The following ITGA3 variants were observed in gnomAD, a reference collection of about 807,000 sequenced individuals.
The protein encoded by ITGA3 is integrin alpha-3.
ITGA3 carries 70 observed loss-of-function variants against 131.1 expected under a neutral mutation model. That is an observed-to-expected ratio of 0.53 (90% CI 0.44 to 0.65). ITGA3 has a LOEUF of 0.65. Ranked by LOEUF, ITGA3 falls within the 30% of genes least tolerant of loss-of-function variation. The probability of loss-of-function intolerance (pLI) is 0.00; values close to 1 mark genes in which losing one functional copy is unlikely to be tolerated. For missense variants in ITGA3, 1,098 were observed against 1,388.6 expected, an observed-to-expected ratio of 0.79 and a Z score of 3.33; for synonymous variants, 537 against 571.6, an observed-to-expected ratio of 0.94 and a Z score of 0.86.
At position 50,056,573 on chromosome 17, in the gene ITGA3, C is replaced by T. The variant is rs1907830896; in HGVS notation, c.134C>T (p.Ala45Val). 6.3e-7 allele frequency: 1 copy of T among 1,583,448 alleles called. No homozygotes were observed. The highest frequency in any genetic ancestry group is 8.6e-7 in the Non-Finnish European group (1 of 1,165,906). ...LDTRFLVVKEAGNPGSLFGYS... is the reference protein window; with the variant it reads ...LDTRFLVVKEVGNPGSLFGYS... ...ACCCGATTCCTGGTAGTGAAGGAGG[C>T]CGGGAACCCGGGCAGCCTCTTCGGC... The change falls in exon 1 of 26, where the codon GCC becomes GTC. Residue 45 changes from alanine (A) to valine (V), a missense_variant. Around this residue, in one of 3 missense-constraint regions of ITGA3, gnomAD observed 356 missense variants for 529.2 expected, o/e 0.67. Transcript: ENST00000320031. The surrounding 1 kb of genome is among the most constrained non-coding windows in gnomAD (Gnocchi z 5.6).
chr17:50,076,798 G>A, intron 14 of ITGA3, 117 bp downstream of exon 14: 1 of 1,180,644 alleles, frequency 8.5e-7, no homozygotes. Context: ...GCTTTAGCGG[G>A]AACAGGTGGG....
At position 50,087,866 on chromosome 17, in the gene ITGA3, G is replaced by T. The variant is rs776522548; in HGVS notation, c.3042G>T (p.Trp1014Cys). 3 of 1,585,396 alleles carry T rather than the reference G, an allele frequency of 1.9e-6. No individual in the cohort carries two copies. In the African/African-American group the frequency reaches 4.0e-5, roughly 21 times the overall value. The change falls in exon 24 of 26, where the codon TGG (tryptophan) becomes TGT (cysteine). Residue 1014 changes from tryptophan (W) to cysteine (C), a missense_variant. Transcript: ENST00000320031. ...LLLGLIILLL[W>C]KCGFFKRART... ...TGGGGCTGATCATCCTCCTGCTGTG[G>T]AAGGTTAGTAGCCCAGCCCACTCCT...
chr17:50,087,185 A>G (rs1463593156), intron 23 of ITGA3: 1 of 152,208 alleles, frequency 6.6e-6, no homozygotes, highest in Admixed American at 6.6e-5. Context: ...GTTTTCTTAT[A>G]TCAAACACAC....
chr17:50,071,054 G>A, intron 5 of ITGA3, 124 bp downstream of exon 5: 1 of 760,870 alleles, frequency 1.3e-6, no homozygotes, highest in Non-Finnish European at 2.3e-6. Flanking sequence ...CACACGGATT[G>A]GCCGGCACCT....
chr17:50,079,585 G>C, intron 21 of ITGA3, 28 bp downstream of exon 21: 1 of 1,499,802 alleles, frequency 6.7e-7, no homozygotes. Flanking sequence ...GGTTGGAGGG[G>C]ATTGCATCCA....
At chr17:50,059,721 TAAAC>T (rs1306044320) in intron 1 of ITGA3, among the ~76,000 whole-genome samples, 1 of 151,998 alleles carries the variant, frequency 6.6e-6, no homozygotes, top group Non-Finnish European at 1.5e-5. Context: ...TGGTCAGAAG[TAAAC>T]AAAGAAGGAA....
intron 21 of ITGA3, among the ~76,000 whole-genome samples, chr17:50,079,759 A>G (rs1909099169): frequency 6.6e-6 from 1 of 152,220 alleles, no homozygotes; most frequent in African/African-American, 2.4e-5. Flanking sequence ...ATTGAAGACA[A>G]GGGACCAAAG....
At chr17:50,065,706 C>G (rs1052284848) in intron 3 of ITGA3, 2 of 134,264 alleles carry the variant, frequency 1.5e-5, no homozygotes, top group Non-Finnish European at 3.2e-5. Flanking sequence ...TCTCTCTTTT[C>G]TTTTCTTTCT....
chr17:50,056,638 C>T lies in ITGA3; in HGVS notation c.199C>T (p.Arg67Cys), dbSNP rs1205175248. ...ALHRQTERQQRYLLLAGAPRE... is the reference protein window; with the variant it reads ...ALHRQTERQQCYLLLAGAPRE... ...CCATCGGCAGACAGAGCGGCAGCAG[C>T]GCTACCTGTAAGTGAAGCTGGAGGG... Residue 67 changes from arginine to cysteine, a missense_variant, in exon 1 of 26, where the codon CGC becomes TGC. Coordinates refer to ENST00000320031, the MANE Select transcript of ITGA3 (RefSeq NM_002204.4). The surrounding 1 kb of genome is among the most constrained non-coding windows in gnomAD (Gnocchi z 5.6). 1 of 1,599,906 alleles carries T rather than the reference C, an allele frequency of 6.3e-7. No individual in the cohort carries two copies. Among genetic ancestry groups the T allele is most frequent in the South Asian group, 1.1e-5 (1 of 88,582 alleles).
At chr17:50,087,577 C>G in intron 23 of ITGA3, 167 bp from the exon 24 acceptor site, 1 of 682,694 alleles carries the variant, frequency 1.5e-6, no homozygotes. Context: ...CAGGAAGGAC[C>G]ACTGGACCTG....
chr17:50,081,825 A>G (rs1012468390), intron 23 of ITGA3, among the ~76,000 whole-genome samples: 3 of 151,730 alleles, frequency 2.0e-5, no homozygotes, highest in African/African-American at 7.3e-5. Context: ...TGATTATCTC[A>G]CCCATTGTCA....
At chr17:50,088,008 C>A in intron 24 of ITGA3, 139 bp downstream of exon 24, 1 of 1,289,316 alleles carries the variant, frequency 7.8e-7, no homozygotes, top group South Asian at 1.5e-5. Context: ...CACCTTCTAC[C>A]ACCAGCTTAC....
rs751211130 is a variant in ITGA3, at chr17:50,071,472, G to T, written c.913G>T (p.Ala305Ser). 6.2e-7 allele frequency: 1 copy of T among 1,612,512 alleles called. No homozygotes were observed. Among genetic ancestry groups the T allele is most frequent in the Admixed American group, 1.7e-5 (1 of 59,998 alleles). ...GGTGCTGGAGGGCTCGCAGGTGGGC[G>T]CCTATTTTGGCAGCGCCATTGCCCT... ...RQVLEGSQVG[A>S]YFGSAIALAD... Residue 305 changes from alanine to serine, a missense_variant, in exon 6 of 26, where the codon GCC becomes TCC. Around this residue, in one of 3 missense-constraint regions of ITGA3, gnomAD observed 356 missense variants for 529.2 expected, o/e 0.67. Coordinates refer to ENST00000320031, the MANE Select transcript of ITGA3 (RefSeq NM_002204.4).
intron 23 of ITGA3, among the ~76,000 whole-genome samples, chr17:50,085,307 T>C (rs1909339079): frequency 6.6e-6 from 1 of 152,172 alleles, no homozygotes; most frequent in East Asian, 1.9e-4. Context: ...TAATATTCCA[T>C]ATTTAAAACT....
rs1294489362 is a variant in ITGA3 at position 50,076,610 on chromosome 17, T to C, written c.1851T>C (p.Pro617=). ...TEVQFQKECG[P]DNKCESNLQM... ...TCCAGTTCCAGAAGGAGTGCGGGCC[T>C]GACAACAAGTGTGAGAGCAACTTGC... Residue 617 remains proline, a synonymous_variant, in exon 14 of 26, where the codon CCT becomes CCC. Transcript: ENST00000320031. 2 of 1,613,444 alleles carry C rather than the reference T, an allele frequency of 1.2e-6. No individual in the cohort carries two copies. The highest frequency in any genetic ancestry group is 1.7e-6 in the Non-Finnish European group (2 of 1,179,936).
chr17:50,064,877 G>A lies in ITGA3; in HGVS notation c.414+270G>A, dbSNP rs1598181911. ...TGCCTACACTGGGTGCTCAGCCTTC[G>A]TGGGAACAAGCCGAGGGAGCCGAGG... is the stretch of plus-strand genomic sequence containing the variant. On this transcript the variant is annotated intron_variant, in intron 3 of 25. Coordinates refer to ENST00000320031, the MANE Select transcript of ITGA3 (RefSeq NM_002204.4). The surrounding 1 kb of genome is among the most constrained non-coding windows in gnomAD (Gnocchi z 4.4). 5.6e-6 allele frequency: 2 copies of A among 358,868 alleles called. No homozygotes were observed. The highest frequency in any genetic ancestry group is 1.0e-5 in the Non-Finnish European group (2 of 198,018). The allele number at this position is 358,868 out of a possible 1,614,324, so 22.2% of individuals were successfully genotyped here.
chr17:50,080,354 G>A lies in ITGA3; in HGVS notation c.2799G>A (p.Val933=), dbSNP rs1436640432. The change falls in exon 22 of 26, where the codon GTG becomes GTA. Residue 933 remains valine, a synonymous_variant. Transcript: ENST00000320031. ...VVTNVTVKAR[V]WNSTFIEDYR... is the part of the protein sequence containing the mutation. ...CCAACGTGACTGTGAAGGCACGAGT[G>A]TGGAACAGCACCTTCATCGAGGTCA... 6.2e-7 allele frequency: 1 copy of A among 1,612,166 alleles called. No homozygotes were observed. Among genetic ancestry groups the A allele is most frequent in the South Asian group, 1.1e-5 (1 of 90,958 alleles).
At chr17:50,089,085 C>T in intron 25 of ITGA3, 25 bp from the exon 26 acceptor site, 1 of 1,602,140 alleles carries the variant, frequency 6.2e-7, no homozygotes, top group South Asian at 1.1e-5. Context: ...TGCTAATGTT[C>T]TTTCTCTTCT....
chr17:50,078,182 C>T, intron 17 of ITGA3, 25 bp from the exon 18 acceptor site: 1 of 1,613,614 alleles, frequency 6.2e-7, no homozygotes, highest in Non-Finnish European at 8.5e-7. Flanking sequence ...GGATCACCTT[C>T]CTAACCCCTG....
Sources: gnomAD v4.1 joint callset for allele counts (sites outside exome capture counted in the v4.1 genomes callset) on GRCh38, gnomAD v4.1.1 for gene constraint, gnomAD v4.1.1 regional missense constraint, Gnocchi (gnomAD v3.1) non-coding constraint, MANE v1.5 for transcripts, NCBI Gene and HGNC (gene_info 2026-07-23, HGNC 2026-07-21) for gene names.